Variants in GPR89A observed in about 807,000 individuals in gnomAD.
GPR89A encodes golgi pH regulator A.
A neutral mutation model predicts 52.0 loss-of-function variants in GPR89A; 16 were observed. The ratio of observed to expected loss-of-function variants is 0.31; its 90% CI spans 0.21 to 0.47. The LOEUF is 0.47. GPR89A is among the 20% of genes least tolerant of loss of function. GPR89A has a pLI of 1.00. For missense variants in GPR89A, 135 were observed against 449.4 expected (o/e 0.30, Z 6.33); for synonymous variants, 55 against 150.9 (o/e 0.36, Z 4.66).
intron 10 of GPR89A, among the ~76,000 whole-genome samples, chr1:145,653,925 A>G (rs1349285996): frequency 6.7e-6 from 1 of 149,706 alleles, no homozygotes; most frequent in African/African-American, 2.5e-5. Context: ...CCAGCTTGCC[A>G]TTCTGTGTCT....
At chr1:145,664,564 CA>C (rs1398831355) in intron 11 of GPR89A, among the ~76,000 whole-genome samples, 1 of 148,100 alleles carries the variant, frequency 6.8e-6, no homozygotes, top group Non-Finnish European at 1.5e-5. Flanking sequence ...GCAGGAGGAT[CA>C]CTTGAGCCGG....
chr1:145,629,905 TG>T lies in GPR89A; in HGVS notation c.416-781del, dbSNP rs1649779339. Among the ~76,000 whole-genome samples the T allele has an allele frequency of 2.6e-5, 4 of 152,364 alleles. No homozygotes were observed. In the South Asian group the frequency reaches 8.3e-4, roughly 32 times the overall value. On this transcript the variant is annotated intron_variant, in intron 5 of 13. Coordinates refer to ENST00000313835, the MANE Select transcript of GPR89A (RefSeq NM_001097612.2). ...ATTCCTGAATTATAGCTCTGGCATT[TG>T]ACCATAGGAGTGGATGGCTGTAGTG... is the stretch of plus-strand genomic sequence containing the variant.
intron 8 of GPR89A, 117 bp from the exon 9 acceptor site, chr1:145,646,067 T>C (rs1650966974): frequency 2.0e-6 from 3 of 1,509,802 alleles, no homozygotes; most frequent in Non-Finnish European, 2.8e-6. Context: ...AAACAGGAAA[T>C]TGAGAATATA....
intron 10 of GPR89A, among the ~76,000 whole-genome samples, 179 bp downstream of exon 10, chr1:145,647,446 A>G (rs1166736699): frequency 3.9e-5 from 6 of 152,114 alleles, no homozygotes; most frequent in Non-Finnish European, 8.8e-5. Flanking sequence ...TTTAGATTAC[A>G]TAGATAAGAA....
At chr1:145,646,099 T>C in intron 8 of GPR89A, 85 bp from the exon 9 acceptor site, 1 of 1,606,520 alleles carries the variant, frequency 6.2e-7, no homozygotes, top group Non-Finnish European at 8.5e-7. Flanking sequence ...GAATCCACTG[T>C]AGGAAAAACC....
intron 10 of GPR89A, among the ~76,000 whole-genome samples, chr1:145,649,609 C>T (rs1553693227): frequency 2.0e-5 from 3 of 152,106 alleles, no homozygotes; most frequent in Non-Finnish European, 4.4e-5. Context: ...TTGCTGTGAA[C>T]ACTTGTGTAC....
chr1:145,610,688 A>C (rs1553685966), intron 1 of GPR89A, among the ~76,000 whole-genome samples: 1 of 152,220 alleles, frequency 6.6e-6, no homozygotes, highest in East Asian at 1.9e-4. Flanking sequence ...AAACTCCTTG[A>C]GAGTAGCATT....
At chr1:145,623,295 TAAAAATAAATA>T in intron 4 of GPR89A, 135 bp downstream of exon 4, 1 of 563,272 alleles carries the variant, frequency 1.8e-6, no homozygotes, top group East Asian at 3.0e-5. Context: ...CACAACATCT[TAAAAATAAATA>T]TAAAATAAAT....
chr1:145,664,261 A>G (rs587723245), intron 11 of GPR89A, among the ~76,000 whole-genome samples: 12 of 152,340 alleles, frequency 7.9e-5, no homozygotes, highest in South Asian at 2.1e-4. Flanking sequence ...AAACAGCTCA[A>G]TGTACATGTT....
At chr1:145,660,200 G>A (rs1290141413) in intron 10 of GPR89A, among the ~76,000 whole-genome samples, 1 of 152,132 alleles carries the variant, frequency 6.6e-6, no homozygotes, top group Non-Finnish European at 1.5e-5. Flanking sequence ...AAGCAATGGG[G>A]AAAGGATTCC....
At chr1:145,666,728 G>A (rs1424424398) in intron 12 of GPR89A, among the ~76,000 whole-genome samples, 3 of 121,100 alleles carry the variant, frequency 2.5e-5, no homozygotes, top group Admixed American at 2.2e-4. Flanking sequence ...GACAAGCCTC[G>A]GTGTGTGATG....
intron 2 of GPR89A, among the ~76,000 whole-genome samples, chr1:145,617,505 T>G (rs376252878): frequency 0.031 from 4,738 of 150,732 alleles, 247 homozygotes; most frequent in African/African-American, 0.11. Context: ...AGTAAGACAG[T>G]CATAAGAAAT....
chr1:145,633,847 A>C (rs1487149833), intron 7 of GPR89A, among the ~76,000 whole-genome samples: 1 of 148,906 alleles, frequency 6.7e-6, no homozygotes, highest in African/African-American at 2.5e-5. Flanking sequence ...TAACAATACT[A>C]ATGTTCAATG....
chr1:145,667,090 G>C (rs1553696592), intron 12 of GPR89A, among the ~76,000 whole-genome samples: 1 of 152,016 alleles, frequency 6.6e-6, no homozygotes, highest in East Asian at 1.9e-4. Flanking sequence ...TAATCCTTTG[G>C]GTATATACCC....
chr1:145,648,605 G>A (rs1456699250), intron 10 of GPR89A, among the ~76,000 whole-genome samples: 4 of 148,748 alleles, frequency 2.7e-5, no homozygotes, highest in Non-Finnish European at 4.5e-5. Context: ...TCAGCCTCCC[G>A]AGTGGCTGGG....
At chr1:145,662,553 C>T (rs1652273010) in intron 10 of GPR89A, among the ~76,000 whole-genome samples, 1 of 151,940 alleles carries the variant, frequency 6.6e-6, no homozygotes, top group South Asian at 2.1e-4. Flanking sequence ...ACAACCTCTG[C>T]CATTTCATTG....
chr1:145,641,560 G>C (rs1306734489), intron 7 of GPR89A, among the ~76,000 whole-genome samples: 1 of 151,510 alleles, frequency 6.6e-6, no homozygotes, highest in Non-Finnish European at 1.5e-5. Context: ...ATTTCAAAAA[G>C]TTTAACTAAA....
chr1:145,661,694 T>C (rs1385564703), intron 10 of GPR89A, among the ~76,000 whole-genome samples: 1 of 150,912 alleles, frequency 6.6e-6, no homozygotes, highest in Non-Finnish European at 1.5e-5. Flanking sequence ...TTTCCTTTCT[T>C]CTGCTTATTT....
intron 5 of GPR89A, among the ~76,000 whole-genome samples, chr1:145,626,211 C>T (rs1348874035): frequency 6.6e-6 from 1 of 150,930 alleles, no homozygotes; most frequent in Non-Finnish European, 1.5e-5. Context: ...TTAGAAAAGG[C>T]CCCCAGGGCT....
Sources: allele counts gnomAD v4.1 joint callset (sites outside exome capture counted in the v4.1 genomes callset), GRCh38; gene constraint gnomAD v4.1.1; transcripts MANE v1.5; gene names NCBI Gene and HGNC (gene_info 2026-07-23, HGNC 2026-07-21).